GRM7: variants seen among roughly 807,000 people sequenced by gnomAD.
GRM7 encodes the protein metabotropic glutamate receptor 7.
GRM7 carries 35 observed loss-of-function variants against 84.5 expected under a neutral mutation model. The ratio of observed to expected loss-of-function variants is 0.41; its 90% CI spans 0.32 to 0.55. The LOEUF is 0.55. GRM7 is among the 20% of genes least tolerant of loss of function. The pLI is 0.19. For synonymous variants in GRM7, 487 were observed against 455.1 expected, an observed-to-expected ratio of 1.07 and a Z score of -0.89; for missense variants, 1,003 against 1,194.6, an observed-to-expected ratio of 0.84 and a Z score of 2.36.
intron 4 of GRM7, among the ~76,000 whole-genome samples, chr3:7,325,903 C>A (rs943734438): frequency 9.2e-5 from 14 of 151,962 alleles, no homozygotes; most frequent in Non-Finnish European, 1.9e-4. Context: ...AAATGCATGC[C>A]TACATCAGAT....
chr3:6,862,850 G>A lies in GRM7; in HGVS notation c.519+943G>A, dbSNP rs1694807718. The A allele has an allele frequency of 5.3e-5, 18 of 339,972 alleles. No homozygotes were observed. Among genetic ancestry groups the A allele is most frequent in the South Asian group, 3.8e-4 (18 of 46,934 alleles). 21.1% of individuals were successfully genotyped at this position (339,972 alleles called of 1,614,324 possible). A position where few individuals can be genotyped will look rare whatever the true frequency, so the allele number is the denominator to read the frequency against. Reference sequence around the variant, plus strand: ...GAGGCAGAGGGGTGCGTGAAGCGGGGCCCCGTGGTCCTCCTGCTCCGGTGC... The same window carrying A: ...GAGGCAGAGGGGTGCGTGAAGCGGGACCCCGTGGTCCTCCTGCTCCGGTGC... On this transcript the variant is annotated intron_variant, in intron 1 of 9. Transcript: ENST00000357716. The surrounding 1 kb of genome is among the most constrained non-coding windows in gnomAD (Gnocchi z 5.2).
intron 1 of GRM7, among the ~76,000 whole-genome samples, chr3:7,085,954 T>C (rs1015423790): frequency 6.6e-6 from 1 of 152,200 alleles, no homozygotes; most frequent in African/African-American, 2.4e-5. Flanking sequence ...TAAAATGTGA[T>C]AGAAATAATA....
intron 8 of GRM7, among the ~76,000 whole-genome samples, chr3:7,654,383 T>C (rs2125117325): frequency 6.6e-6 from 1 of 152,268 alleles, no homozygotes; most frequent in Non-Finnish European, 1.5e-5. Context: ...CTGTGCTATC[T>C]CTATAATTAA....
At chr3:7,565,196 G>C (rs900331818) in intron 7 of GRM7, among the ~76,000 whole-genome samples, 4 of 152,122 alleles carry the variant, frequency 2.6e-5, no homozygotes, top group Non-Finnish European at 5.9e-5. Flanking sequence ...CTCAAATTTT[G>C]AGTATAGAAA....
chr3:6,875,319 C>T (rs754880289), intron 1 of GRM7, among the ~76,000 whole-genome samples: 1 of 151,972 alleles, frequency 6.6e-6, no homozygotes, highest in Non-Finnish European at 1.5e-5. Flanking sequence ...ATCCAACTCT[C>T]ACCTTGAATT....
At chr3:7,359,906 A>G (rs1240397099) in intron 4 of GRM7, among the ~76,000 whole-genome samples, 1 of 148,250 alleles carries the variant, frequency 6.7e-6, no homozygotes, top group Non-Finnish European at 1.5e-5. Context: ...ATTGTTCTTG[A>G]GGTTTCTAAT....
At chr3:7,120,245 A>T (rs1006334768) in intron 1 of GRM7, among the ~76,000 whole-genome samples, 3 of 152,120 alleles carry the variant, frequency 2.0e-5, no homozygotes, top group Admixed American at 6.6e-5. Flanking sequence ...CAAGAACGGG[A>T]AAAGAGAGAT....
chr3:7,147,007 C>A (rs1277129564), intron 2 of GRM7, among the ~76,000 whole-genome samples: 1 of 152,162 alleles, frequency 6.6e-6, no homozygotes, highest in South Asian at 2.1e-4. Flanking sequence ...CATGAAGACT[C>A]TTCCTCTCTG....
chr3:7,484,545 T>C (rs960265402), intron 7 of GRM7, among the ~76,000 whole-genome samples: 12 of 152,154 alleles, frequency 7.9e-5, no homozygotes, highest in African/African-American at 2.7e-4. Flanking sequence ...AAACCCCTGA[T>C]TGTAAAGATA....
At chr3:7,222,640 C>T (rs1696847921) in intron 2 of GRM7, among the ~76,000 whole-genome samples, 1 of 152,134 alleles carries the variant, frequency 6.6e-6, no homozygotes, top group African/African-American at 2.4e-5. Flanking sequence ...AGCCTTCTGA[C>T]CTACAGAACT....
intron 1 of GRM7, among the ~76,000 whole-genome samples, chr3:6,908,884 T>C (rs1696672333): frequency 6.6e-6 from 1 of 152,120 alleles, no homozygotes; most frequent in Admixed American, 6.6e-5. Context: ...CTTTGGGAGT[T>C]AGAGATGGAT....
At chr3:7,146,003 A>G (rs1449669455) in intron 1 of GRM7, among the ~76,000 whole-genome samples, 5 of 152,194 alleles carry the variant, frequency 3.3e-5, no homozygotes, top group Non-Finnish European at 7.3e-5. Flanking sequence ...TCCACAATCA[A>G]TCGATGTTAG....
chr3:7,249,061 A>T (rs1697883048), intron 2 of GRM7, among the ~76,000 whole-genome samples: 1 of 152,194 alleles, frequency 6.6e-6, no homozygotes, highest in African/African-American at 2.4e-5. Flanking sequence ...TGAAATTCAC[A>T]TATAATCTTC....
At chr3:7,380,188 G>T (rs1334592623) in intron 4 of GRM7, among the ~76,000 whole-genome samples, 1 of 152,146 alleles carries the variant, frequency 6.6e-6, no homozygotes, top group Non-Finnish European at 1.5e-5. Context: ...GTTCAGAGAA[G>T]TCTTGAGTGT....
At chr3:7,690,706 G>A (rs1700767308) in intron 9 of GRM7, among the ~76,000 whole-genome samples, 1 of 152,168 alleles carries the variant, frequency 6.6e-6, no homozygotes, top group African/African-American at 2.4e-5. Flanking sequence ...ACATGAACTT[G>A]AAAGATTCCA....
intron 1 of GRM7, among the ~76,000 whole-genome samples, chr3:6,975,713 T>C (rs1229921492): frequency 6.6e-6 from 1 of 152,124 alleles, no homozygotes; most frequent in Non-Finnish European, 1.5e-5. Context: ...TTGCTGTTGT[T>C]TGTTTGCTTG....
chr3:7,022,968 A>G (rs1695835261), intron 1 of GRM7, among the ~76,000 whole-genome samples: 1 of 152,086 alleles, frequency 6.6e-6, no homozygotes, highest in Admixed American at 6.5e-5. Flanking sequence ...ACCCTTTTTC[A>G]CAGGGGAGAG....
At chr3:7,645,417 C>T (rs896385227) in intron 8 of GRM7, among the ~76,000 whole-genome samples, 10 of 151,598 alleles carry the variant, frequency 6.6e-5, no homozygotes, top group South Asian at 2.1e-4. Context: ...TGTGGTGGTG[C>T]GCGCCTGTAA....
At chr3:7,661,973 A>G (rs999272333) in intron 8 of GRM7, among the ~76,000 whole-genome samples, 1 of 152,078 alleles carries the variant, frequency 6.6e-6, no homozygotes, top group Non-Finnish European at 1.5e-5. Context: ...TATTAGTGAC[A>G]GTAGTTGCCA....
Sources: gnomAD v4.1 joint callset for allele counts (sites outside exome capture counted in the v4.1 genomes callset) on GRCh38, gnomAD v4.1.1 for gene constraint, Gnocchi (gnomAD v3.1) non-coding constraint, MANE v1.5 for transcripts, NCBI Gene and HGNC (gene_info 2026-07-23, HGNC 2026-07-21) for gene names.